The following PARD3B variants were observed in gnomAD, a reference collection of about 807,000 sequenced individuals.
PARD3B encodes the protein partitioning defective 3 homolog B.
In PARD3B, 103 loss-of-function variants were observed where a neutral mutation model predicts 130.2. The observed-to-expected ratio is 0.79, with a 90% CI of 0.67 to 0.93. The LOEUF (loss-of-function observed/expected upper bound fraction) is 0.93, where lower values mean the gene tolerates loss of function less well. Among genes scored for constraint, PARD3B ranks in the 40% least tolerant of loss-of-function variants. The pLI, the probability that PARD3B is intolerant of heterozygous loss-of-function variation, is 0.00. For synonymous variants in PARD3B, 583 were observed against 553.2 expected (o/e 1.05, Z -0.76); for missense variants, 1,609 against 1,499.2 (o/e 1.07, Z -1.21).
rs149280878 is a variant in PARD3B at position 205,453,297 on chromosome 2, G to C, written c.3044+12625G>C. Among the ~76,000 whole-genome samples the C allele has an allele frequency of 4.4e-3, 673 of 152,200 alleles. 4 individuals are homozygous for C. The highest frequency in any genetic ancestry group is 7.5e-3 in the Non-Finnish European group (512 of 67,998). The stretch of plus-strand genomic sequence containing the variant: ...GCACAAAGGCCCACAGAGAAAACAT[G>C]GTACGTTTAGGAAACCACATATATT... On this transcript the variant is annotated intron_variant, in intron 20 of 22. Coordinates refer to ENST00000406610, the MANE Select transcript of PARD3B (RefSeq NM_001302769.2).
rs1422338537 is a variant in PARD3B, at chr2:204,800,351, AAATC to A, written c.222+114072_222+114075del. ...ACAAAGTTGGAAGAGACAAAGAAAA[AAATC>A]AAAGCACACCTATAAGATCTAGAAA... On this transcript the variant is annotated intron_variant, in intron 2 of 22. Transcript: ENST00000406610. 5.3e-5 allele frequency among the ~76,000 whole-genome samples: 8 copies of A among 151,352 alleles called. No homozygotes were observed. The East Asian group carries it at 7.7e-4, about 15-fold the overall frequency.
intron 3 of PARD3B, among the ~76,000 whole-genome samples, chr2:204,968,236 G>A (rs1691422531): frequency 1.3e-5 from 2 of 152,102 alleles, no homozygotes; most frequent in Non-Finnish European, 2.9e-5. Context: ...AGATTTTTGT[G>A]ATTACATCAC....
intron 3 of PARD3B, among the ~76,000 whole-genome samples, chr2:204,995,062 A>C (rs1170372876): frequency 6.6e-6 from 1 of 151,446 alleles, no homozygotes; most frequent in Non-Finnish European, 1.5e-5. Context: ...TTTTAATTGG[A>C]GAATTTAGTT....
At chr2:204,621,036 A>G (rs2034283010) in intron 1 of PARD3B, among the ~76,000 whole-genome samples, 1 of 152,222 alleles carries the variant, frequency 6.6e-6, no homozygotes, top group African/African-American at 2.4e-5. Context: ...AAATAAGAGG[A>G]ATGCCAAGCT....
intron 3 of PARD3B, among the ~76,000 whole-genome samples, chr2:204,977,961 C>T (rs1311792306): frequency 6.6e-6 from 1 of 152,070 alleles, no homozygotes; most frequent in Non-Finnish European, 1.5e-5. Flanking sequence ...CTATGGATGG[C>T]AAGTGCAGCC....
chr2:205,514,845 T>TTTTAC (rs1224921086), intron 21 of PARD3B, among the ~76,000 whole-genome samples: 2 of 151,234 alleles, frequency 1.3e-5, no homozygotes, highest in African/African-American at 4.8e-5. Flanking sequence ...TTTTTTTTTT[T>TTTTAC]TTTACTTTAA....
At chr2:205,523,117 TATG>T (rs1162716614) in intron 21 of PARD3B, among the ~76,000 whole-genome samples, 1 of 151,524 alleles carries the variant, frequency 6.6e-6, no homozygotes, top group African/African-American at 2.4e-5. Flanking sequence ...TTCTATCTGT[TATG>T]ATAACTGGGA....
chr2:205,186,831 T>G (rs150916045), intron 14 of PARD3B, among the ~76,000 whole-genome samples: 15 of 152,208 alleles, frequency 9.9e-5, no homozygotes, highest in Non-Finnish European at 2.1e-4. Context: ...GTGGACCTAT[T>G]TAATTTTGTC....
intron 18 of PARD3B, among the ~76,000 whole-genome samples, chr2:205,305,102 A>C (rs753121014): frequency 2.6e-5 from 4 of 152,226 alleles, no homozygotes; most frequent in Non-Finnish European, 4.4e-5. Flanking sequence ...ATAGGCAGAA[A>C]AAGACTGAAG....
intron 20 of PARD3B, among the ~76,000 whole-genome samples, chr2:205,445,739 G>A (rs557656410): frequency 9.9e-5 from 15 of 152,264 alleles, no homozygotes; most frequent in African/African-American, 3.6e-4. Context: ...GCATCCATCT[G>A]GGCTCCCAAC....
At chr2:205,034,412 G>C (rs1030995824) in intron 3 of PARD3B, among the ~76,000 whole-genome samples, 4 of 152,138 alleles carry the variant, frequency 2.6e-5, no homozygotes, top group African/African-American at 7.2e-5. Context: ...ACTTGTTGAT[G>C]ATTGGTCTTC....
chr2:205,057,823 C>G (rs779768303), intron 4 of PARD3B, among the ~76,000 whole-genome samples: 8 of 150,670 alleles, frequency 5.3e-5, no homozygotes, highest in Non-Finnish European at 1.2e-4. Context: ...CCTTGAAACC[C>G]TTGATCATTC....
intron 2 of PARD3B, among the ~76,000 whole-genome samples, chr2:204,873,060 A>T (rs988424101): frequency 1.3e-5 from 2 of 152,234 alleles, no homozygotes; most frequent in Non-Finnish European, 2.9e-5. Flanking sequence ...AAAGATAAAG[A>T]TAATTATAAT....
intron 2 of PARD3B, among the ~76,000 whole-genome samples, chr2:204,850,956 G>A: frequency 6.6e-6 from 1 of 152,174 alleles, no homozygotes; most frequent in East Asian, 1.9e-4. Flanking sequence ...GACAAAGACT[G>A]TAGAAGTACA....
chr2:205,150,246 T>TGCGCGC (rs1332015434), intron 10 of PARD3B, among the ~76,000 whole-genome samples: 2 of 128,426 alleles, frequency 1.6e-5, no homozygotes, highest in African/African-American at 2.8e-5. Context: ...TGTGTGTGTG[T>TGCGCGC]GTGTGTGCAC....
intron 18 of PARD3B, among the ~76,000 whole-genome samples, chr2:205,379,993 A>G (rs1278442329): frequency 6.7e-6 from 1 of 148,366 alleles, no homozygotes; most frequent in East Asian, 2.0e-4. Flanking sequence ...GCTTGAACCC[A>G]GAAGATGGAG....
chr2:204,832,910 G>A (rs1381495035), intron 2 of PARD3B, among the ~76,000 whole-genome samples: 2 of 152,088 alleles, frequency 1.3e-5, no homozygotes, highest in African/African-American at 2.4e-5. Context: ...GAAAATGAAC[G>A]CCTGGTCCCT....
intron 3 of PARD3B, among the ~76,000 whole-genome samples, chr2:204,991,085 T>A (rs956626223): frequency 6.6e-6 from 1 of 151,906 alleles, no homozygotes; most frequent in Non-Finnish European, 1.5e-5. Context: ...TTTTTTTTTT[T>A]ATTATACTTA....
chr2:205,188,313 G>A (rs1307826936), intron 14 of PARD3B, among the ~76,000 whole-genome samples: 1 of 152,196 alleles, frequency 6.6e-6, no homozygotes, highest in Non-Finnish European at 1.5e-5. Flanking sequence ...GCTAAAGCTT[G>A]TGGTATCTCA....
Sources: gnomAD v4.1 joint callset for allele counts (sites outside exome capture counted in the v4.1 genomes callset) on GRCh38, gnomAD v4.1.1 for gene constraint, MANE v1.5 for transcripts, NCBI Gene and HGNC (gene_info 2026-07-23, HGNC 2026-07-21) for gene names.